MAGI1: variants seen among roughly 807,000 people sequenced by gnomAD.
MAGI1 encodes membrane-associated guanylate kinase, WW and PDZ domain-containing protein 1.
In MAGI1, 58 loss-of-function variants were observed where a neutral mutation model predicts 139.9. That is an observed-to-expected ratio of 0.41 (90% CI 0.34 to 0.52). MAGI1 has a LOEUF of 0.52. Among genes scored for constraint, MAGI1 ranks in the 20% least tolerant of loss-of-function variants. MAGI1 has a pLI of 0.12. For missense variants in MAGI1, 1,874 were observed against 1,901.6 expected (o/e 0.99, Z 0.27); for synonymous variants, 812 against 737.9 (o/e 1.10, Z -1.63).
At chr3:65,737,445 G>T (rs568886684) in intron 1 of MAGI1, among the ~76,000 whole-genome samples, 1 of 152,316 alleles carries the variant, frequency 6.6e-6, no homozygotes, top group Non-Finnish European at 1.5e-5. Context: ...GTCAATGTTT[G>T]GAACTAATTA....
At chr3:65,360,088 T>C (rs1440291838) in intron 22 of MAGI1, 3 of 985,286 alleles carry the variant, frequency 3.0e-6, no homozygotes, top group Non-Finnish European at 3.6e-6. Context: ...ATTTTGCACC[T>C]GTACAAATGT....
At chr3:65,741,165 G>T (rs1361157833) in intron 1 of MAGI1, among the ~76,000 whole-genome samples, 1 of 148,690 alleles carries the variant, frequency 6.7e-6, no homozygotes, top group Admixed American at 6.8e-5. Flanking sequence ...AATAAAAGAG[G>T]TTGCTATTAT....
intron 12 of MAGI1, among the ~76,000 whole-genome samples, chr3:65,409,468 T>A (rs1292338958): frequency 6.6e-6 from 1 of 152,126 alleles, no homozygotes; most frequent in Non-Finnish European, 1.5e-5. Context: ...ATGATAAGCT[T>A]TTCTTGTTGT....
chr3:65,416,650 T>C (rs901215952), intron 12 of MAGI1, among the ~76,000 whole-genome samples: 2 of 152,020 alleles, frequency 1.3e-5, no homozygotes, highest in Non-Finnish European at 2.9e-5. Flanking sequence ...GTTGAGAACA[T>C]TAGAAATGCA....
chr3:65,627,204 T>C (rs867288356), intron 1 of MAGI1, among the ~76,000 whole-genome samples: 2 of 152,186 alleles, frequency 1.3e-5, no homozygotes, highest in Non-Finnish European at 2.9e-5. Flanking sequence ...ACTGTGCAGA[T>C]TGTAGCCCAA....
At chr3:65,363,901 C>T (rs913823696) in intron 20 of MAGI1, among the ~76,000 whole-genome samples, 9 of 152,098 alleles carry the variant, frequency 5.9e-5, no homozygotes, top group African/African-American at 2.2e-4. Flanking sequence ...ATGATACCAG[C>T]CACCTGGCTG....
At chr3:65,379,821 C>T (rs1035052309) in intron 16 of MAGI1, among the ~76,000 whole-genome samples, 1 of 152,134 alleles carries the variant, frequency 6.6e-6, no homozygotes, top group Non-Finnish European at 1.5e-5. Context: ...TGCTATATGT[C>T]GACATCCACA....
chr3:65,633,777 A>G (rs1346435857), intron 1 of MAGI1, among the ~76,000 whole-genome samples: 2 of 152,238 alleles, frequency 1.3e-5, no homozygotes, highest in Non-Finnish European at 2.9e-5. Context: ...GAAAGCAGAA[A>G]GACAATGTTC....
At chr3:65,887,355 A>G (rs2060574596) in intron 1 of MAGI1, among the ~76,000 whole-genome samples, 1 of 150,188 alleles carries the variant, frequency 6.7e-6, no homozygotes, top group Non-Finnish European at 1.5e-5. Flanking sequence ...AAAATAAAGC[A>G]CATATTAGAA....
intron 2 of MAGI1, among the ~76,000 whole-genome samples, chr3:65,548,158 C>CA (rs1370480959): frequency 6.6e-6 from 1 of 152,224 alleles, no homozygotes; most frequent in African/African-American, 2.4e-5. Flanking sequence ...CTGCTCATGG[C>CA]AGACAGGCCT....
chr3:65,626,940 G>T (rs1300904073), intron 1 of MAGI1, among the ~76,000 whole-genome samples: 1 of 152,176 alleles, frequency 6.6e-6, no homozygotes, highest in Non-Finnish European at 1.5e-5. Flanking sequence ...AATAAAATAA[G>T]TTGGAAGACA....
chr3:65,512,632 A>G (rs1485022207), intron 2 of MAGI1, among the ~76,000 whole-genome samples: 1 of 152,106 alleles, frequency 6.6e-6, no homozygotes, highest in Non-Finnish European at 1.5e-5. Flanking sequence ...TGAATAGACC[A>G]ATAACAGGAG....
intron 1 of MAGI1, among the ~76,000 whole-genome samples, chr3:65,882,105 C>A (rs1037513779): frequency 2.0e-5 from 3 of 152,184 alleles, no homozygotes; most frequent in Non-Finnish European, 2.9e-5. Context: ...GGTTTTCTTT[C>A]TGTAAATTCA....
intron 5 of MAGI1, among the ~76,000 whole-genome samples, chr3:65,466,104 ACTTT>A (rs1046472818): frequency 1.3e-5 from 2 of 152,134 alleles, no homozygotes; most frequent in African/African-American, 4.8e-5. Flanking sequence ...CTTTGCTGAG[ACTTT>A]CTATTTTTGG....
At chr3:65,522,704 G>T (rs1167207550) in intron 2 of MAGI1, among the ~76,000 whole-genome samples, 2 of 152,016 alleles carry the variant, frequency 1.3e-5, no homozygotes, top group South Asian at 2.1e-4. Context: ...CTTCAATTTG[G>T]GTACTTTTAG....
intron 2 of MAGI1, among the ~76,000 whole-genome samples, chr3:65,537,216 C>T (rs528810964): frequency 5.9e-5 from 9 of 152,188 alleles, no homozygotes; most frequent in African/African-American, 2.2e-4. Context: ...ACATTTATTC[C>T]AACATGCCTT....
chr3:65,825,618 A>G (rs2042181318), intron 1 of MAGI1, among the ~76,000 whole-genome samples: 1 of 152,216 alleles, frequency 6.6e-6, no homozygotes, highest in African/African-American at 2.4e-5. Flanking sequence ...ATGGACTTCT[A>G]AAACACCTAA....
chr3:65,909,475 C>T (rs935927916), intron 1 of MAGI1, among the ~76,000 whole-genome samples: 1 of 152,126 alleles, frequency 6.6e-6, no homozygotes, highest in Admixed American at 6.6e-5. Flanking sequence ...GTTGAAGCTG[C>T]AGTGAGCCGT....
chr3:65,650,455 A>T (rs927644680), intron 1 of MAGI1, among the ~76,000 whole-genome samples: 1 of 152,190 alleles, frequency 6.6e-6, no homozygotes, highest in Non-Finnish European at 1.5e-5. Flanking sequence ...CTCAGCAATA[A>T]AAAGGAAGGA....
Sources: gnomAD v4.1 joint callset for allele counts (sites outside exome capture counted in the v4.1 genomes callset) on GRCh38, gnomAD v4.1.1 for gene constraint, MANE v1.5 for transcripts, NCBI Gene and HGNC (gene_info 2026-07-23, HGNC 2026-07-21) for gene names.